Variants in PXK observed in about 807,000 individuals in gnomAD.
The protein encoded by PXK is PX domain containing serine/threonine kinase like.
A neutral mutation model predicts 84.7 loss-of-function variants in PXK; 35 were observed. The ratio of observed to expected loss-of-function variants is 0.41; its 90% CI spans 0.32 to 0.55. The LOEUF (loss-of-function observed/expected upper bound fraction) is 0.55. Among genes scored for constraint, PXK ranks in the 20% least tolerant of loss-of-function variants. The pLI is 0.21. For missense variants in PXK, 634 were observed against 699.7 expected, an observed-to-expected ratio of 0.91 and a Z score of 1.06; for synonymous variants, 253 against 260.8, an observed-to-expected ratio of 0.97 and a Z score of 0.29.
chr3:58,349,369 T>TC, intron 1 of PXK, among the ~76,000 whole-genome samples: 1 of 150,816 alleles, frequency 6.6e-6, no homozygotes, highest in African/African-American at 2.4e-5. Flanking sequence ...TTTTTTTTTT[T>TC]TTTTGAGACG....
chr3:58,397,669 C>A lies in PXK; in HGVS notation c.1049C>A (p.Pro350Gln). 1.2e-6 allele frequency: 2 copies of A among 1,614,116 alleles called. No individual in the cohort carries two copies. Among genetic ancestry groups the A allele is most frequent in the African/African-American group, 1.3e-5 (1 of 75,024 alleles). ...HLLYEMTYGRPPDSVPVDSFP... is the reference protein window; with the variant it reads ...HLLYEMTYGRQPDSVPVDSFP... ...CTGTATGAAATGACTTATGGACGAC[C>A]GCCAGACTCGGTGCCTGTGGACTCC... The change falls in exon 11 of 18, where the codon CCG becomes CAG. Residue 350 changes from proline (P) to glutamine (Q), a missense_variant. Physicochemically the swap from Pro to Gln is moderately conservative, Grantham distance 76. Coordinates refer to ENST00000356151, the MANE Select transcript of PXK (RefSeq NM_017771.5). This position sits in a 1 kb window ranked among gnomAD's most constrained non-coding sequence, Gnocchi z 4.7.
chr3:58,385,211 A>G lies in PXK; in HGVS notation c.388+2511A>G, dbSNP rs1360168617. ...CAGGGGTATAAAAAGACCACCAGAA[A>G]CTCCTGCCGGAACCTGTGCTGGCTG... On this transcript the variant is annotated intron_variant, in intron 4 of 17. Coordinates refer to ENST00000356151, the MANE Select transcript of PXK (RefSeq NM_017771.5). This position sits in a 1 kb window ranked among gnomAD's most constrained non-coding sequence, Gnocchi z 5.1. 6.6e-6 allele frequency among the ~76,000 whole-genome samples: 1 copy of G among 151,826 alleles called. No individual in the cohort carries two copies. Among genetic ancestry groups the G allele is most frequent in the Non-Finnish European group, 1.5e-5 (1 of 67,948 alleles).
rs1208707701 is a variant in PXK at position 58,413,298 on chromosome 3, C to T, written c.1528+335C>T. 7 of 303,926 alleles carry T rather than the reference C, an allele frequency of 2.3e-5. No individual in the cohort carries two copies. In the East Asian group the frequency reaches 4.6e-4, roughly 20 times the overall value. 18.8% of individuals were successfully genotyped at this position (303,926 alleles called of 1,614,324 possible). ...GCTGAACAACACAAATGCGCCGTGG[C>T]CCAGGGGTCCCGTCCTGCCAGGCCT... On this transcript the variant is annotated intron_variant, in intron 17 of 17. Coordinates refer to ENST00000356151, the MANE Select transcript of PXK (RefSeq NM_017771.5).
chr3:58,365,451 C>G (rs572082306), intron 1 of PXK, among the ~76,000 whole-genome samples: 2 of 152,308 alleles, frequency 1.3e-5, no homozygotes, highest in Admixed American at 6.5e-5. Context: ...AATGTGTATT[C>G]TGCTGTTACT....
chr3:58,382,747 C>G (rs1352695556), intron 4 of PXK, 47 bp downstream of exon 4: 1 of 1,334,150 alleles, frequency 7.5e-7, no homozygotes, highest in South Asian at 1.8e-5. Context: ...TAAAGAGGCA[C>G]TGTCCCTTGC....
chr3:58,377,343 T>C (rs1436041580), intron 3 of PXK, among the ~76,000 whole-genome samples: 1 of 152,206 alleles, frequency 6.6e-6, no homozygotes, highest in Non-Finnish European at 1.5e-5. Flanking sequence ...TACATCCTTT[T>C]CTGAATTCAG....
intron 1 of PXK, among the ~76,000 whole-genome samples, chr3:58,341,999 TG>T (rs1040591114): frequency 6.6e-6 from 1 of 152,098 alleles, no homozygotes; most frequent in Non-Finnish European, 1.5e-5. Context: ...CCAACGCGCC[TG>T]GCCAGAAACT....
intron 4 of PXK, among the ~76,000 whole-genome samples, chr3:58,388,700 A>T (rs2098591710): frequency 6.6e-6 from 1 of 152,148 alleles, no homozygotes; most frequent in Admixed American, 6.5e-5. Context: ...TTCTGAGTAG[A>T]TGCCAATGAC....
At chr3:58,338,229 A>G (rs2097658745) in intron 1 of PXK, among the ~76,000 whole-genome samples, 1 of 151,702 alleles carries the variant, frequency 6.6e-6, no homozygotes, top group African/African-American at 2.4e-5. Context: ...TCGTCCAGCT[A>G]CTTGGGAGGC....
intron 12 of PXK, among the ~76,000 whole-genome samples, chr3:58,402,085 A>G (rs1221366016): frequency 6.6e-6 from 1 of 152,048 alleles, no homozygotes; most frequent in East Asian, 1.9e-4. Flanking sequence ...GGCAGGAGGC[A>G]TATTCAAAGA....
At position 58,398,528 on chromosome 3, in the gene PXK, G is replaced by A. The variant is rs755307278; in HGVS notation, c.1103-771G>A. On this transcript the variant is annotated intron_variant, in intron 11 of 17. Transcript: ENST00000356151. This position sits in a 1 kb window ranked among gnomAD's most constrained non-coding sequence, Gnocchi z 4.5. ...AGACACCAAGACAAATTGGATCCAG[G>A]AGCTCTTACAGCATTACCTGCGGGG... 3.3e-5 allele frequency among the ~76,000 whole-genome samples: 5 copies of A among 152,174 alleles called. No homozygotes were observed. The highest frequency in any genetic ancestry group is 7.4e-5 in the Non-Finnish European group (5 of 68,024).
intron 1 of PXK, among the ~76,000 whole-genome samples, chr3:58,365,061 G>A (rs757924076): frequency 5.9e-5 from 9 of 151,468 alleles, no homozygotes; most frequent in Non-Finnish European, 1.3e-4. Context: ...TGCTTTGAGT[G>A]TATTACGCTC....
At chr3:58,350,681 C>T (rs987436070) in intron 1 of PXK, among the ~76,000 whole-genome samples, 7 of 152,244 alleles carry the variant, frequency 4.6e-5, no homozygotes, top group Middle Eastern at 3.4e-3. Context: ...GATGTAGTGA[C>T]GCCTCCCTTC....
In PXK at chr3:58,401,813, G is replaced by A. The variant is rs1241741066; in HGVS notation, c.1182-2049G>A. Among the ~76,000 whole-genome samples, 1 of 151,708 alleles carries A rather than the reference G, an allele frequency of 6.6e-6. No individual in the cohort carries two copies. Among genetic ancestry groups the A allele is most frequent in the African/African-American group, 2.4e-5 (1 of 41,302 alleles). ...GTGGTGGCGGGCGTCTGTAGTCCCA[G>A]CTACCCAGGAGGCGGAGTTTGCACT... On this transcript the variant is annotated intron_variant, in intron 12 of 17. Transcript: ENST00000356151. This position sits in a 1 kb window ranked among gnomAD's most constrained non-coding sequence, Gnocchi z 4.4.
intron 2 of PXK, among the ~76,000 whole-genome samples, chr3:58,368,419 C>T (rs545900658): frequency 1.1e-4 from 17 of 152,144 alleles, no homozygotes; most frequent in Non-Finnish European, 2.2e-4. Context: ...GCCTCCTAGG[C>T]TCAAGCGATT....
chr3:58,354,797 T>G (rs2108160367), intron 1 of PXK, among the ~76,000 whole-genome samples: 1 of 152,124 alleles, frequency 6.6e-6, no homozygotes. Context: ...TGGCTGCACA[T>G]TAGTATCAAC....
At chr3:58,357,887 T>G (rs577859124) in intron 1 of PXK, among the ~76,000 whole-genome samples, 1 of 152,118 alleles carries the variant, frequency 6.6e-6, no homozygotes, top group African/African-American at 2.4e-5. Flanking sequence ...GAAGCAGAGG[T>G]TGCAGTGAAG....
At chr3:58,343,238 T>C (rs73835183) in intron 1 of PXK, among the ~76,000 whole-genome samples, 7,003 of 152,290 alleles carry the variant, frequency 0.046, 569 homozygotes, top group African/African-American at 0.16. Flanking sequence ...CATTGCACTT[T>C]AGTCCTGCAT....
At chr3:58,404,163 A>T (rs755447966) in intron 13 of PXK, among the ~76,000 whole-genome samples, 8 of 152,218 alleles carry the variant, frequency 5.3e-5, no homozygotes, top group Non-Finnish European at 8.8e-5. Context: ...ATAAAAAAAT[A>T]AGGTAATGTG....
Sources: gnomAD v4.1 joint callset for allele counts (sites outside exome capture counted in the v4.1 genomes callset) on GRCh38, gnomAD v4.1.1 for gene constraint, Gnocchi (gnomAD v3.1) non-coding constraint, MANE v1.5 for transcripts, NCBI Gene and HGNC (gene_info 2026-07-23, HGNC 2026-07-21) for gene names.